The following WDR70 variants were observed in gnomAD, a reference collection of about 807,000 sequenced individuals.
WDR70 encodes WD repeat domain 70.
In WDR70, 53 loss-of-function variants were observed where a neutral mutation model predicts 88.6. That is an observed-to-expected ratio of 0.60 (90% confidence interval 0.48 to 0.75). The LOEUF (loss-of-function observed/expected upper bound fraction) is 0.75. Ranked by LOEUF, WDR70 falls within the 30% of genes least tolerant of loss-of-function variation. WDR70 has a pLI of 0.00. For synonymous variants in WDR70, 280 were observed against 270.0 expected (o/e 1.04, Z -0.36); for missense variants, 610 against 823.2 (o/e 0.74, Z 3.17).
At chr5:37,587,777 T>G (rs1479638837) in intron 9 of WDR70, among the ~76,000 whole-genome samples, 1 of 129,424 alleles carries the variant, frequency 7.7e-6, no homozygotes, top group Non-Finnish European at 1.6e-5. Flanking sequence ...AAAGCCCTAT[T>G]CTTTTTTTTT....
chr5:37,499,605 C>T (rs987368974), intron 8 of WDR70, among the ~76,000 whole-genome samples: 13 of 121,122 alleles, frequency 1.1e-4, no homozygotes, highest in South Asian at 9.2e-4. Context: ...CTCTCTCTCT[C>T]TCTCTCTCTC....
chr5:37,696,678 C>T (rs756939450), intron 10 of WDR70, among the ~76,000 whole-genome samples: 15 of 86,364 alleles, frequency 1.7e-4, no homozygotes, highest in African/African-American at 2.0e-4. Flanking sequence ...CACACACGCG[C>T]GTGCACACAC....
intron 9 of WDR70, among the ~76,000 whole-genome samples, chr5:37,557,232 G>GAAAA (rs11372077): frequency 3.2e-5 from 4 of 123,848 alleles, no homozygotes; most frequent in African/African-American, 5.5e-5. Flanking sequence ...TTAAAAAAAT[G>GAAAA]AAAAAAAAAA....
At chr5:37,725,182 A>G (rs1747936157) in intron 16 of WDR70, 132 bp downstream of exon 16, 1 of 702,250 alleles carries the variant, frequency 1.4e-6, no homozygotes, top group Admixed American at 2.9e-5. Flanking sequence ...GTGTTTTAAA[A>G]ATGTTTTCTT....
At chr5:37,725,446 C>T (rs1448714250) in intron 16 of WDR70, among the ~76,000 whole-genome samples, 1 of 152,024 alleles carries the variant, frequency 6.6e-6, no homozygotes, top group Non-Finnish European at 1.5e-5. Context: ...AGGTTTCACA[C>T]AAGGCAGAAT....
intron 8 of WDR70, among the ~76,000 whole-genome samples, chr5:37,487,533 AGTT>A (rs893794139): frequency 2.0e-5 from 3 of 148,512 alleles, no homozygotes; most frequent in Non-Finnish European, 4.5e-5. Flanking sequence ...AATTATATTA[AGTT>A]GTTATATTAT....
intron 17 of WDR70, among the ~76,000 whole-genome samples, chr5:37,732,001 G>C (rs1302513299): frequency 6.6e-6 from 1 of 152,098 alleles, no homozygotes; most frequent in African/African-American, 2.4e-5. Context: ...GAGTTATTTT[G>C]ATAAAGGAGT....
At chr5:37,565,665 A>T (rs752451397) in intron 9 of WDR70, among the ~76,000 whole-genome samples, 14 of 152,064 alleles carry the variant, frequency 9.2e-5, no homozygotes, top group Admixed American at 5.2e-4. Context: ...TCTTTATATT[A>T]TGTAGTCCAC....
At chr5:37,488,831 T>G (rs1385261876) in intron 8 of WDR70, among the ~76,000 whole-genome samples, 2 of 152,224 alleles carry the variant, frequency 1.3e-5, no homozygotes, top group Non-Finnish European at 2.9e-5. Context: ...AATTATTGTG[T>G]TCCCTTGGAG....
At chr5:37,642,110 A>C (rs1745119811) in intron 10 of WDR70, among the ~76,000 whole-genome samples, 1 of 152,120 alleles carries the variant, frequency 6.6e-6, no homozygotes, top group Admixed American at 6.5e-5. Flanking sequence ...ACACTTACGC[A>C]AGTTTAACAA....
intron 9 of WDR70, among the ~76,000 whole-genome samples, chr5:37,557,276 C>T (rs1315090449): frequency 2.6e-5 from 4 of 151,174 alleles, no homozygotes; most frequent in Admixed American, 6.6e-5. Flanking sequence ...TGTTAATGAC[C>T]AGCCAAGTAG....
chr5:37,607,354 A>G (rs1244154746), intron 10 of WDR70, among the ~76,000 whole-genome samples: 5 of 149,024 alleles, frequency 3.4e-5, no homozygotes. Context: ...TCCAAACAGT[A>G]GTTAAATAAT....
intron 5 of WDR70, among the ~76,000 whole-genome samples, chr5:37,411,938 T>C (rs1749538740): frequency 6.6e-6 from 1 of 151,948 alleles, no homozygotes; most frequent in Non-Finnish European, 1.5e-5. Context: ...AATTTCTTTT[T>C]GATAAACTTT....
intron 9 of WDR70, among the ~76,000 whole-genome samples, chr5:37,526,151 G>T (rs1470987656): frequency 6.6e-6 from 1 of 152,162 alleles, no homozygotes; most frequent in Non-Finnish European, 1.5e-5. Context: ...GCATCATCTT[G>T]ATAGCAAAGC....
At chr5:37,736,573 A>T (rs1748309597) in intron 17 of WDR70, among the ~76,000 whole-genome samples, 1 of 151,576 alleles carries the variant, frequency 6.6e-6, no homozygotes. Context: ...TGTTTCTGAA[A>T]GTGGTTTTGT....
chr5:37,381,825 G>A (rs1415704199), intron 3 of WDR70, 140 bp downstream of exon 3: 10 of 673,724 alleles, frequency 1.5e-5, no homozygotes, highest in East Asian at 1.4e-4. Context: ...AGGCCAAGGC[G>A]GGCAGATCAC....
At chr5:37,686,332 A>G (rs1359072706) in intron 10 of WDR70, among the ~76,000 whole-genome samples, 1 of 152,086 alleles carries the variant, frequency 6.6e-6, no homozygotes, top group Non-Finnish European at 1.5e-5. Flanking sequence ...GAAAAAAAAA[A>G]GACTTTATGG....
At chr5:37,480,222 T>C (rs1335397419) in intron 8 of WDR70, among the ~76,000 whole-genome samples, 1 of 152,214 alleles carries the variant, frequency 6.6e-6, no homozygotes, top group African/African-American at 2.4e-5. Context: ...GTCAGTGTCC[T>C]GCTCCATGGC....
intron 5 of WDR70, among the ~76,000 whole-genome samples, chr5:37,416,273 C>G (rs1749745903): frequency 6.6e-6 from 1 of 152,230 alleles, no homozygotes; most frequent in Non-Finnish European, 1.5e-5. Context: ...CCTCGGGAGG[C>G]CGAGGCTGGC....
Sources: gnomAD v4.1 joint callset for allele counts (sites outside exome capture counted in the v4.1 genomes callset) on GRCh38, gnomAD v4.1.1 for gene constraint, MANE v1.5 for transcripts, NCBI Gene and HGNC (gene_info 2026-07-23, HGNC 2026-07-21) for gene names.